ZNF385D: variants seen among roughly 807,000 people sequenced by gnomAD.
ZNF385D encodes the protein zinc finger protein 659.
A neutral mutation model predicts 35.8 loss-of-function variants in ZNF385D; 15 were observed. The ratio of observed to expected loss-of-function variants is 0.42; its 90% CI spans 0.28 to 0.64. The LOEUF is 0.64. Ranked by LOEUF, ZNF385D falls within the 30% of genes least tolerant of loss-of-function variation. ZNF385D has a pLI of 0.23. For missense variants in ZNF385D, 474 were observed against 494.6 expected, an observed-to-expected ratio of 0.96 and a Z score of 0.39; for synonymous variants, 212 against 186.8, an observed-to-expected ratio of 1.13 and a Z score of -1.10.
At chr3:21,462,606 C>T (rs13340119) in intron 4 of ZNF385D, among the ~76,000 whole-genome samples, 5,281 of 152,124 alleles carry the variant, frequency 0.035, 322 homozygotes, top group African/African-American at 0.12. Flanking sequence ...CAAATTAAAT[C>T]AAAATAAAAT....
intron 2 of ZNF385D, among the ~76,000 whole-genome samples, chr3:22,302,340 T>A (rs1702946628): frequency 6.6e-6 from 1 of 151,860 alleles, no homozygotes; most frequent in Non-Finnish European, 1.5e-5. Flanking sequence ...TTTCTCATTG[T>A]GATTTTAATA....
chr3:21,775,594 C>A (rs1398313038), intron 3 of ZNF385D, among the ~76,000 whole-genome samples: 3 of 151,786 alleles, frequency 2.0e-5, no homozygotes, highest in Non-Finnish European at 2.9e-5. Flanking sequence ...ATTTCAAAAT[C>A]GAAGTCTTCC....
At chr3:22,282,193 C>T (rs1701783177) in intron 2 of ZNF385D, among the ~76,000 whole-genome samples, 1 of 151,910 alleles carries the variant, frequency 6.6e-6, no homozygotes, top group Non-Finnish European at 1.5e-5. Flanking sequence ...TTCAAAGAAT[C>T]AGCTTTTTGT....
chr3:21,967,644 T>G (rs868205837), intron 3 of ZNF385D, among the ~76,000 whole-genome samples: 17 of 152,286 alleles, frequency 1.1e-4, no homozygotes, highest in Middle Eastern at 3.4e-3. Context: ...ACTAAGCTAG[T>G]TAGAGGGGCT....
chr3:21,834,544 C>T (rs1695203004), intron 3 of ZNF385D, among the ~76,000 whole-genome samples: 1 of 152,162 alleles, frequency 6.6e-6, no homozygotes, highest in South Asian at 2.1e-4. Context: ...TTATCATTGA[C>T]CTGTTGAATT....
intron 3 of ZNF385D, among the ~76,000 whole-genome samples, chr3:22,037,481 C>T (rs1359105803): frequency 7.2e-5 from 11 of 152,018 alleles, no homozygotes; most frequent in Admixed American, 7.2e-4. Context: ...AGCATTTTTT[C>T]ACGTGTCTGT....
intron 4 of ZNF385D, among the ~76,000 whole-genome samples, chr3:21,496,446 A>T (rs1705867373): frequency 7.4e-6 from 1 of 134,230 alleles, no homozygotes; most frequent in African/African-American, 2.8e-5. Context: ...ATATATACAC[A>T]CATATTTGAT....
intron 2 of ZNF385D, among the ~76,000 whole-genome samples, chr3:22,285,057 A>C (rs146489635): frequency 1.8e-3 from 267 of 152,308 alleles, no homozygotes; most frequent in African/African-American, 6.1e-3. Context: ...AATCCACTTG[A>C]AACTGGCCAT....
intron 2 of ZNF385D, among the ~76,000 whole-genome samples, chr3:22,235,570 T>G (rs1418789843): frequency 6.6e-6 from 1 of 152,106 alleles, no homozygotes; most frequent in African/African-American, 2.4e-5. Context: ...TCTAAATGTT[T>G]AAAGAGGCCT....
chr3:21,965,218 A>G (rs1702848996), intron 3 of ZNF385D, among the ~76,000 whole-genome samples: 1 of 152,202 alleles, frequency 6.6e-6, no homozygotes, highest in Non-Finnish European at 1.5e-5. Flanking sequence ...CTTTATCTGC[A>G]AAATGGGTTT....
chr3:21,748,820 A>G (rs575088895), intron 1 of ZNF385D, among the ~76,000 whole-genome samples: 1 of 152,352 alleles, frequency 6.6e-6, no homozygotes, highest in Non-Finnish European at 1.5e-5. Context: ...ACATACATAT[A>G]TAAATACATA....
intron 3 of ZNF385D, among the ~76,000 whole-genome samples, chr3:22,041,208 A>G (rs1214697154): frequency 1.3e-5 from 2 of 151,738 alleles, no homozygotes; most frequent in African/African-American, 4.8e-5. Flanking sequence ...GAAGAGAAAA[A>G]CTCTCTGAAA....
At chr3:21,489,252 C>T (rs1705244506) in intron 4 of ZNF385D, among the ~76,000 whole-genome samples, 1 of 152,116 alleles carries the variant, frequency 6.6e-6, no homozygotes, top group African/African-American at 2.4e-5. Context: ...CAAAGAAAGA[C>T]TGGAGATAGA....
intron 2 of ZNF385D, among the ~76,000 whole-genome samples, chr3:22,277,075 A>G (rs762003872): frequency 1.3e-5 from 2 of 152,096 alleles, no homozygotes; most frequent in Non-Finnish European, 2.9e-5. Flanking sequence ...AAAGAATGAG[A>G]CAGCTCAAAA....
At chr3:22,016,524 C>A (rs1051770432) in intron 3 of ZNF385D, among the ~76,000 whole-genome samples, 1 of 151,986 alleles carries the variant, frequency 6.6e-6, no homozygotes, top group African/African-American at 2.4e-5. Flanking sequence ...TTTCTTTTGT[C>A]ACTGAATACA....
At chr3:22,159,802 T>C (rs560489737) in intron 3 of ZNF385D, among the ~76,000 whole-genome samples, 2 of 152,218 alleles carry the variant, frequency 1.3e-5, no homozygotes, top group African/African-American at 2.4e-5. Flanking sequence ...TTTTGAACAA[T>C]TTAATATCTG....
chr3:21,703,375 G>A (rs548873293), intron 1 of ZNF385D, among the ~76,000 whole-genome samples: 1 of 152,188 alleles, frequency 6.6e-6, no homozygotes, highest in Admixed American at 6.5e-5. Flanking sequence ...TATAACATGT[G>A]GGAATTCTGG....
intron 5 of ZNF385D, among the ~76,000 whole-genome samples, chr3:21,427,561 G>C (rs762755686): frequency 1.3e-5 from 2 of 152,148 alleles, no homozygotes; most frequent in African/African-American, 2.4e-5. Flanking sequence ...GCTTGTCTCA[G>C]CATTGAGTAT....
At chr3:22,047,512 G>A (rs2125519881) in intron 3 of ZNF385D, among the ~76,000 whole-genome samples, 1 of 152,142 alleles carries the variant, frequency 6.6e-6, no homozygotes, top group East Asian at 1.9e-4. Flanking sequence ...GTCTTTCTGT[G>A]CCTGTCTTAT....
Sources: gnomAD v4.1 joint callset for allele counts (sites outside exome capture counted in the v4.1 genomes callset) on GRCh38, gnomAD v4.1.1 for gene constraint, MANE v1.5 for transcripts, NCBI Gene and HGNC (gene_info 2026-07-23, HGNC 2026-07-21) for gene names.